Variants in SF3B4 observed in about 807,000 individuals in gnomAD.
SF3B4 encodes SAP 49.
A neutral mutation model predicts 34.3 loss-of-function variants in SF3B4; 3 were observed. The observed-to-expected ratio is 0.09, with a 90% CI of 0.04 to 0.23. The LOEUF is 0.23. SF3B4 is among the 10% of genes least tolerant of loss of function. SF3B4 has a pLI of 1.00. For missense variants in SF3B4, 283 were observed against 567.2 expected (o/e 0.50, Z 5.09); for synonymous variants, 216 against 207.8 (o/e 1.04, Z -0.34).
chr1:149,923,380 A>G lies in SF3B4; in HGVS notation c.*162T>C. On this transcript the variant is annotated 3_prime_UTR_variant, in exon 6 of 6. Coordinates refer to ENST00000271628, the MANE Select transcript of SF3B4 (RefSeq NM_005850.5). ...CAAAATACTCAGGACCAACATAAAA[A>G]AGAAATACCTCCTGTGGAAAAAGTT... 1 of 571,238 alleles carries G rather than the reference A, an allele frequency of 1.8e-6. No homozygotes were observed. The highest frequency in any genetic ancestry group is 3.1e-6 in the Non-Finnish European group (1 of 326,718). 35.4% of individuals were successfully genotyped at this position (571,238 alleles called of 1,614,324 possible).
intron 4 of SF3B4, 92 bp from the exon 5 acceptor site, chr1:149,924,106 G>A (rs1559797546): frequency 1.8e-6 from 2 of 1,100,846 alleles, no homozygotes; most frequent in Non-Finnish European, 2.6e-6. Context: ...TAGAAAGAAA[G>A]TGACATCAGA....
At chr1:149,927,598 G>A (rs1252580008) in intron 1 of SF3B4, 128 bp downstream of exon 1, 9 of 1,276,206 alleles carry the variant, frequency 7.1e-6, no homozygotes, top group African/African-American at 3.0e-5. Flanking sequence ...CCAACAGGCA[G>A]AGGGCCGGTC....
intron 4 of SF3B4, among the ~76,000 whole-genome samples, chr1:149,924,403 C>T (rs1177874044): frequency 2.6e-5 from 4 of 152,112 alleles, no homozygotes; most frequent in African/African-American, 9.7e-5. Context: ...CGCCACTGCA[C>T]TCCAGCCTGG....
intron 4 of SF3B4, 131 bp from the exon 5 acceptor site, chr1:149,924,145 G>C (rs2092573920): frequency 3.8e-5 from 31 of 821,542 alleles, no homozygotes; most frequent in Non-Finnish European, 5.7e-5. Context: ...AAAGGGTATA[G>C]AAAATAAGGC....
In SF3B4 at chr1:149,926,932, G is replaced by A. The variant is rs1455130727; in HGVS notation, c.164-14C>T. On this transcript the variant is annotated splice_polypyrimidine_tract_variant and intron_variant, in intron 2 of 5. Transcript: ENST00000271628. The surrounding 1 kb of genome is among the most constrained non-coding windows in gnomAD (Gnocchi z 6.2). ...CAAAGCCATAGCCTGGAAAAGTGGA[G>A]AAGAGGAGGTTAACAACGTAAGTAA... 3.8e-6 allele frequency: 6 copies of A among 1,585,070 alleles called. No homozygotes were observed. In the African/African-American group the frequency reaches 8.2e-5, roughly 22 times the overall value.
chr1:149,926,858 T>C lies in SF3B4; in HGVS notation c.224A>G (p.Asn75Ser). Reference sequence around the variant, plus strand: ...TGGCTTCCCATAGAGTTTGATCATGTTCATGATCTTAATGGCATAGTCAGC... The same window carrying C: ...TGGCTTCCCATAGAGTTTGATCATGCTCATGATCTTAATGGCATAGTCAGC... ...EDADYAIKIM[N>S]MIKLYGKPIR... The change falls in exon 3 of 6, where the codon AAC becomes AGC. Residue 75 changes from asparagine (N) to serine (S), a missense_variant. Coordinates refer to ENST00000271628, the MANE Select transcript of SF3B4 (RefSeq NM_005850.5). This position sits in a 1 kb window ranked among gnomAD's most constrained non-coding sequence, Gnocchi z 6.2. 6.2e-7 allele frequency: 1 copy of C among 1,613,944 alleles called. No homozygotes were observed. Among genetic ancestry groups the C allele is most frequent in the Non-Finnish European group, 8.5e-7 (1 of 1,179,936 alleles).
chr1:149,927,734 C>A lies in SF3B4; in HGVS notation c.26G>T (p.Arg9Leu). ...TTTCCCCCTCCAGTTACCCTGATTCCGCTCGGAGATCGGCCCGGCAGCCAT... is the reference window on the plus strand; with the variant it reads ...TTTCCCCCTCCAGTTACCCTGATTCAGCTCGGAGATCGGCCCGGCAGCCAT... MAAGPISE[R>L]NQDATVYVGG... Residue 9 changes from arginine (R) to leucine (L), a missense_variant, in exon 1 of 6, where the codon CGG (arginine) becomes CTG (leucine). By Grantham distance (102) the Arg-to-Leu change is moderately radical. This residue lies in a region of SF3B4 where 39 missense variants were observed against 127.3 expected (regional missense o/e 0.31). Coordinates refer to ENST00000271628, the MANE Select transcript of SF3B4 (RefSeq NM_005850.5). 1 of 1,553,504 alleles carries A rather than the reference C, an allele frequency of 6.4e-7. No individual in the cohort carries two copies. The highest frequency in any genetic ancestry group is 8.7e-7 in the Non-Finnish European group (1 of 1,147,958).
intron 2 of SF3B4, 54 bp downstream of exon 2, chr1:149,927,112 T>C (rs587673569): frequency 6.3e-7 from 1 of 1,599,190 alleles, no homozygotes; most frequent in South Asian, 1.1e-5. Context: ...CCAAAACAGT[T>C]GTGAATACTG....
Position 149,926,236 on chromosome 1 carries a change from C to T in SF3B4, c.706+140G>A. 1.2e-6 allele frequency: 1 copy of T among 803,180 alleles called. No homozygotes were observed. The highest frequency in any genetic ancestry group is 1.9e-5 in the South Asian group (1 of 53,202). 49.8% of individuals were successfully genotyped at this position (803,180 alleles called of 1,614,324 possible). A position where few individuals can be genotyped will look rare whatever the true frequency, so the allele number is the denominator to read the frequency against. Reference sequence around the variant, plus strand: ...AGAAACCCAACAACTTTCTTCTTCACCACTACCATCACCCCTCAGTCCTCT... The same window carrying T: ...AGAAACCCAACAACTTTCTTCTTCATCACTACCATCACCCCTCAGTCCTCT... On this transcript the variant is annotated intron_variant, in intron 3 of 5. Coordinates refer to ENST00000271628, the MANE Select transcript of SF3B4 (RefSeq NM_005850.5). This position sits in a 1 kb window ranked among gnomAD's most constrained non-coding sequence, Gnocchi z 6.2.
At chr1:149,924,131 G>A in intron 4 of SF3B4, 117 bp from the exon 5 acceptor site, 1 of 906,776 alleles carries the variant, frequency 1.1e-6, no homozygotes, top group Non-Finnish European at 1.6e-6. Context: ...GAACTATATA[G>A]AAAAAAGGGT....
At position 149,923,484 on chromosome 1, in the gene SF3B4, G is replaced by T; in HGVS notation, c.*58C>A. On this transcript the variant is annotated 3_prime_UTR_variant, in exon 6 of 6. Coordinates refer to ENST00000271628, the MANE Select transcript of SF3B4 (RefSeq NM_005850.5). ...CCAAGGAGCTACAGCATCTCTGATTGGTCCAAGGAATAGAAAAGATATTGG... is the reference window on the plus strand; with the variant it reads ...CCAAGGAGCTACAGCATCTCTGATTTGTCCAAGGAATAGAAAAGATATTGG... 7.3e-7 allele frequency: 1 copy of T among 1,368,856 alleles called. No homozygotes were observed. The highest frequency in any genetic ancestry group is 9.9e-7 in the Non-Finnish European group (1 of 1,012,092). 84.8% of individuals were successfully genotyped at this position (1,368,856 alleles called of 1,614,324 possible). A position where few individuals can be genotyped will look rare whatever the true frequency, so the allele number is the denominator to read the frequency against.
intron 4 of SF3B4, among the ~76,000 whole-genome samples, chr1:149,924,973 G>T (rs1351436442): frequency 2.0e-5 from 3 of 152,218 alleles, no homozygotes; most frequent in African/African-American, 7.2e-5. Context: ...GACCTACACT[G>T]TGAAAGTAGA....
In SF3B4 at chr1:149,925,922, G is replaced by C. The variant is rs782735154; in HGVS notation, c.827C>G (p.Pro276Arg). ...TCCTGCCCCTGGGGTTCCTGCCGATGGGGGGCCATGTCCTGCAGCCCCAGG... is the reference window on the plus strand; with the variant it reads ...TCCTGCCCCTGGGGTTCCTGCCGATCGGGGGCCATGTCCTGCAGCCCCAGG... ...MPPGAAGHGP[P>R]SAGTPGAGHP... is the part of the protein sequence containing the mutation. The change falls in exon 4 of 6, where the codon CCA (proline) becomes CGA (arginine). Residue 276 changes from proline to arginine, a missense_variant. Coordinates refer to ENST00000271628, the MANE Select transcript of SF3B4 (RefSeq NM_005850.5). 2 of 1,581,962 alleles carry C rather than the reference G, an allele frequency of 1.3e-6. No individual in the cohort carries two copies. The highest frequency in any genetic ancestry group is 1.7e-6 in the Non-Finnish European group (2 of 1,161,294).
At chr1:149,927,072 GA>G (rs1168896590) in intron 2 of SF3B4, 93 bp downstream of exon 2, 3 of 1,536,298 alleles carry the variant, frequency 2.0e-6, no homozygotes, top group Non-Finnish European at 2.6e-6. Flanking sequence ...AGGCTTAAAA[GA>G]AAAAAATCTT....
Position 149,927,473 on chromosome 1 carries a change from A to G in SF3B4, c.35-179T>C, listed in dbSNP as rs2092597710. 6.3e-5 allele frequency: 49 copies of G among 773,450 alleles called. No individual in the cohort carries two copies. In the South Asian group the frequency reaches 8.4e-4, roughly 13 times the overall value. The allele number at this position is 773,450 out of a possible 1,614,324, so 47.9% of individuals were successfully genotyped here. On this transcript the variant is annotated intron_variant, in intron 1 of 5. Coordinates refer to ENST00000271628, the MANE Select transcript of SF3B4 (RefSeq NM_005850.5). Reference sequence around the variant, plus strand: ...TCCCAGGACTTCGGGAATCCTCTGAAGTCTAATTTAGTATTGTGAGTGGGT... The same window carrying G: ...TCCCAGGACTTCGGGAATCCTCTGAGGTCTAATTTAGTATTGTGAGTGGGT...
chr1:149,927,453 G>A, intron 1 of SF3B4, 159 bp from the exon 2 acceptor site: 1 of 835,614 alleles, frequency 1.2e-6, no homozygotes, highest in Non-Finnish European at 1.8e-6. Flanking sequence ...TCTCTTCCCA[G>A]GACTTCGGGA....
At chr1:149,925,111 A>G (rs1399463846) in intron 4 of SF3B4, among the ~76,000 whole-genome samples, 2 of 152,200 alleles carry the variant, frequency 1.3e-5, no homozygotes, top group African/African-American at 4.8e-5. Context: ...TGATACAAAT[A>G]AGACTTGGTA....
In SF3B4 at chr1:149,923,560, T is replaced by G; in HGVS notation, c.1257A>C (p.Arg419=). The change falls in exon 6 of 6, where the codon CGA becomes CGC. Residue 419 remains arginine, a synonymous_variant. Coordinates refer to ENST00000271628, the MANE Select transcript of SF3B4 (RefSeq NM_005850.5). The stretch of plus-strand genomic sequence containing the variant: ...TGTGAATTTACTGAGGGAGAGGGCC[T>G]CGAAGTGGGCCTCGAGGGGGAACTG... ...RPPVPPRGPL[R]GPLPQ The G allele has an allele frequency of 6.4e-7, 1 of 1,568,428 alleles. No individual in the cohort carries two copies. The highest frequency in any genetic ancestry group is 8.6e-7 in the Non-Finnish European group (1 of 1,165,768).
At position 149,923,560 on chromosome 1, in the gene SF3B4, T is replaced by C. The variant is rs1384718923; in HGVS notation, c.1257A>G (p.Arg419=). 3 of 1,568,312 alleles carry C rather than the reference T, an allele frequency of 1.9e-6. No individual in the cohort carries two copies. In the African/African-American group the frequency reaches 4.2e-5, roughly 22 times the overall value. The change falls in exon 6 of 6, where the codon CGA becomes CGG. Residue 419 remains arginine, a synonymous_variant. Coordinates refer to ENST00000271628, the MANE Select transcript of SF3B4 (RefSeq NM_005850.5). ...RPPVPPRGPL[R]GPLPQ Reference sequence around the variant, plus strand: ...TGTGAATTTACTGAGGGAGAGGGCCTCGAAGTGGGCCTCGAGGGGGAACTG... The same window carrying C: ...TGTGAATTTACTGAGGGAGAGGGCCCCGAAGTGGGCCTCGAGGGGGAACTG...
Sources: allele counts gnomAD v4.1 joint callset (sites outside exome capture counted in the v4.1 genomes callset), GRCh38; gene constraint gnomAD v4.1.1; regional missense constraint gnomAD v4.1.1; non-coding constraint Gnocchi (gnomAD v3.1); transcripts MANE v1.5; gene names NCBI Gene and HGNC (gene_info 2026-07-23, HGNC 2026-07-21).